Variants in SLCO1B3 observed in about 807,000 individuals in gnomAD.
SLCO1B3 encodes liver-specific organic anion transporter 2.
SLCO1B3 carries 72 observed loss-of-function variants against 71.8 expected under a neutral mutation model. That is an observed-to-expected ratio of 1.00 (90% CI 0.83 to 1.22). SLCO1B3 has a LOEUF of 1.22. Among genes scored for constraint, SLCO1B3 ranks in the 50% most tolerant of loss-of-function variants. The probability of loss-of-function intolerance (pLI) is 0.00; values close to 1 mark genes in which losing one functional copy is unlikely to be tolerated. For synonymous variants in SLCO1B3, 298 were observed against 278.4 expected, an observed-to-expected ratio of 1.07 and a Z score of -0.70; for missense variants, 911 against 819.7, an observed-to-expected ratio of 1.11 and a Z score of -1.36.
At chr12:20,897,361 G>T (rs1866032899) in intron 13 of SLCO1B3, among the ~76,000 whole-genome samples, 1 of 152,130 alleles carries the variant, frequency 6.6e-6, no homozygotes, top group Non-Finnish European at 1.5e-5. Flanking sequence ...CTCTGGCAAG[G>T]TATAGAGGCA....
chr12:20,855,389 T>C (rs1229607612), intron 4 of SLCO1B3, among the ~76,000 whole-genome samples: 3 of 152,124 alleles, frequency 2.0e-5, no homozygotes. Context: ...CTAAACACTG[T>C]GCAATGCACC....
intron 2 of SLCO1B3, among the ~76,000 whole-genome samples, chr12:20,813,871 C>CA (rs1864146878): frequency 2.6e-5 from 4 of 152,236 alleles, no homozygotes; most frequent in Non-Finnish European, 5.9e-5. Context: ...TTCCCAGCAA[C>CA]TTTATGGAAC....
chr12:20,826,434 C>T (rs1864423195), intron 3 of SLCO1B3, among the ~76,000 whole-genome samples: 1 of 147,294 alleles, frequency 6.8e-6, no homozygotes, highest in African/African-American at 2.6e-5. Context: ...TGAATCAATA[C>T]CTTAAGAAAA....
Position 20,901,408 on chromosome 12 carries a change from G to A in SLCO1B3, c.1806G>A (p.Trp602Ter), listed in dbSNP as rs550941268. The A allele has an allele frequency of 6.9e-6, 11 of 1,588,404 alleles. No individual in the cohort carries two copies. The highest frequency in any genetic ancestry group is 1.4e-5 in the African/African-American group (1 of 73,776). ...GALIDKTCMKWSTNSCGAQGA... is the reference protein window; with the variant it reads ...GALIDKTCMK ...TGATTGATAAAACATGTATGAAGTG[G>A]TCCACCAACAGCTGTGGAGCACAAG... The change falls in exon 15 of 16, where the codon TGG becomes TGA. Residue 602 changes from tryptophan (W) to a stop codon, truncating the protein, a stop_gained. Transcript: ENST00000381545. LOFTEE classifies it high-confidence loss of function.
chr12:20,825,881 A>G (rs1260332640), intron 3 of SLCO1B3, among the ~76,000 whole-genome samples: 38 of 151,974 alleles, frequency 2.5e-4, no homozygotes, highest in Non-Finnish European at 1.0e-4. Flanking sequence ...CACAGAAAGT[A>G]AAATGGACAT....
intron 13 of SLCO1B3, among the ~76,000 whole-genome samples, chr12:20,889,533 G>A (rs2121334829): frequency 1.3e-5 from 2 of 152,138 alleles, no homozygotes; most frequent in South Asian, 2.1e-4. Flanking sequence ...TGTTTCTGTG[G>A]TAATAGTTTT....
At chr12:20,906,410 T>C (rs924139611) in intron 15 of SLCO1B3, among the ~76,000 whole-genome samples, 10 of 152,226 alleles carry the variant, frequency 6.6e-5, no homozygotes, top group African/African-American at 1.9e-4. Context: ...CTATATGATA[T>C]TGTAATATTG....
At chr12:20,910,417 ATTGTC>A (rs1866349629) in intron 15 of SLCO1B3, among the ~76,000 whole-genome samples, 1 of 152,120 alleles carries the variant, frequency 6.6e-6, no homozygotes, top group Non-Finnish European at 1.5e-5. Flanking sequence ...ACACTTAAGT[ATTGTC>A]TTGGCTATTT....
At chr12:20,825,919 A>G (rs898475191) in intron 3 of SLCO1B3, among the ~76,000 whole-genome samples, 1 of 152,096 alleles carries the variant, frequency 6.6e-6, no homozygotes, top group Non-Finnish European at 1.5e-5. Flanking sequence ...AAATCTGTAA[A>G]TCTCAATTTT....
intron 2 of SLCO1B3, 150 bp from the exon 3 acceptor site, chr12:20,815,524 G>A (rs1163857481): frequency 4.8e-6 from 2 of 420,024 alleles, no homozygotes; most frequent in Non-Finnish European, 8.5e-6. Flanking sequence ...TCTGTGTCCA[G>A]CATTGACCTA....
At chr12:20,896,291 G>T (rs1488764573) in intron 13 of SLCO1B3, among the ~76,000 whole-genome samples, 1 of 152,142 alleles carries the variant, frequency 6.6e-6, no homozygotes, top group East Asian at 1.9e-4. Flanking sequence ...CTATCACATT[G>T]TCAGACTGCA....
chr12:20,884,707 A>C (rs551016780), intron 13 of SLCO1B3, among the ~76,000 whole-genome samples: 1 of 152,104 alleles, frequency 6.6e-6, no homozygotes, highest in Non-Finnish European at 1.5e-5. Flanking sequence ...GGTAACACCT[A>C]ATTGTACTTT....
intron 3 of SLCO1B3, among the ~76,000 whole-genome samples, chr12:20,846,821 T>C (rs1046178872): frequency 1.5e-5 from 1 of 65,190 alleles, no homozygotes; most frequent in Admixed American, 2.0e-4. Context: ...GTCTTCTGAC[T>C]GTTAAGTCCA....
intron 3 of SLCO1B3, among the ~76,000 whole-genome samples, chr12:20,853,801 G>A (rs1210521786): frequency 6.6e-6 from 1 of 151,340 alleles, no homozygotes; most frequent in African/African-American, 2.4e-5. Flanking sequence ...TTCCTTGATG[G>A]ATACAGTTAT....
At chr12:20,819,072 A>G (rs1179783193) in intron 3 of SLCO1B3, among the ~76,000 whole-genome samples, 1 of 152,174 alleles carries the variant, frequency 6.6e-6, no homozygotes, top group Non-Finnish European at 1.5e-5. Flanking sequence ...AGGGCCTCTA[A>G]AAGTACTAAA....
At chr12:20,828,037 A>G (rs117246001) in intron 3 of SLCO1B3, among the ~76,000 whole-genome samples, 2,266 of 152,302 alleles carry the variant, frequency 0.015, 30 homozygotes, top group Non-Finnish European at 0.026. Context: ...AATTGTAGAA[A>G]TCTACCTTAT....
chr12:20,862,516 A>G lies in SLCO1B3; in HGVS notation c.586A>G (p.Ile196Val), dbSNP rs147555114. The change falls in exon 7 of 16, where the codon ATT (isoleucine) becomes GTT (valine). Residue 196 changes from isoleucine to valine, a missense_variant. Physicochemically the swap from Ile to Val is conservative, Grantham distance 29. Transcript: ENST00000381545. ...TPIVPLGISY[I>V]DDFAKEGHSS... Reference sequence around the variant, plus strand: ...CATAGTACCATTGGGGATTTCATACATTGATGATTTTGCAAAAGAAGGACA... The same window carrying G: ...CATAGTACCATTGGGGATTTCATACGTTGATGATTTTGCAAAAGAAGGACA... 4.7e-5 allele frequency: 75 copies of G among 1,612,070 alleles called. No homozygotes were observed. The East Asian group carries it at 1.6e-3, about 35-fold the overall frequency.
intron 15 of SLCO1B3, among the ~76,000 whole-genome samples, chr12:20,913,582 G>C (rs1457584589): frequency 6.6e-6 from 1 of 152,010 alleles, no homozygotes; most frequent in East Asian, 1.9e-4. Flanking sequence ...TTTGAAGTCT[G>C]CTCTGTTTGA....
intron 3 of SLCO1B3, among the ~76,000 whole-genome samples, chr12:20,821,286 G>A (rs528311955): frequency 3.3e-5 from 5 of 152,286 alleles, no homozygotes; most frequent in African/African-American, 1.2e-4. Flanking sequence ...TGGAAAAATT[G>A]AAAGTGCCGT....
Sources: gnomAD v4.1 joint callset for allele counts (sites outside exome capture counted in the v4.1 genomes callset) on GRCh38, gnomAD v4.1.1 for gene constraint, MANE v1.5 for transcripts, NCBI Gene and HGNC (gene_info 2026-07-23, HGNC 2026-07-21) for gene names.